MYO18B: variants seen among roughly 807,000 people sequenced by gnomAD.
MYO18B encodes myosin XVIIIB.
MYO18B carries 204 observed loss-of-function variants against 273.0 expected under a neutral mutation model. The observed-to-expected ratio is 0.75, with a 90% confidence interval of 0.67 to 0.84. MYO18B has a LOEUF of 0.84. MYO18B is among the 40% of genes least tolerant of loss of function. The pLI is 0.00. For missense variants in MYO18B, 3,212 were observed against 3,287.6 expected (o/e 0.98, Z 0.56); for synonymous variants, 1,330 against 1,305.7 (o/e 1.02, Z -0.40).
In MYO18B at chr22:25,903,716, T is replaced by C. The variant is rs1387684043; in HGVS notation, c.5033T>C (p.Leu1678Pro). ...CGGGAGCTGCTGGGGTCACCCTCTCTGGGGGAAAATTGCGTTGCTGGCTTG... is the reference window on the plus strand; with the variant it reads ...CGGGAGCTGCTGGGGTCACCCTCTCCGGGGGAAAATTGCGTTGCTGGCTTG... ...HKRELLGSPS[L>P]GENCVAGLKE... Residue 1678 changes from leucine to proline, a missense_variant, in exon 31 of 44, where the codon CTG becomes CCG. Coordinates refer to ENST00000335473, the MANE Select transcript of MYO18B (RefSeq NM_032608.7). 6.2e-7 allele frequency: 1 copy of C among 1,608,492 alleles called. No homozygotes were observed. The highest frequency in any genetic ancestry group is 1.7e-5 in the Admixed American group (1 of 59,366).
At chr22:25,764,901 G>A (rs539174581) in intron 3 of MYO18B, among the ~76,000 whole-genome samples, 1 of 152,230 alleles carries the variant, frequency 6.6e-6, no homozygotes, top group South Asian at 2.1e-4. Context: ...GAGGTCAAGT[G>A]ATTTTCCCAA....
chr22:25,857,349 G>A (rs988022213), intron 21 of MYO18B, among the ~76,000 whole-genome samples: 4 of 152,134 alleles, frequency 2.6e-5, no homozygotes, highest in African/African-American at 7.2e-5. Context: ...GATTTTAGCC[G>A]GCAAAATCTC....
At chr22:25,967,310 T>C (rs2092990018) in intron 39 of MYO18B, among the ~76,000 whole-genome samples, 1 of 152,208 alleles carries the variant, frequency 6.6e-6, no homozygotes, top group Non-Finnish European at 1.5e-5. Context: ...TATGCTTCAC[T>C]TAATTGTATG....
intron 39 of MYO18B, among the ~76,000 whole-genome samples, chr22:25,979,211 T>C (rs2093124628): frequency 6.6e-6 from 1 of 152,206 alleles, no homozygotes; most frequent in Admixed American, 6.5e-5. Flanking sequence ...AAATATGAGC[T>C]GCATTTCCAT....
chr22:25,849,404 T>C (rs1345367142), intron 20 of MYO18B, among the ~76,000 whole-genome samples: 2 of 152,162 alleles, frequency 1.3e-5, no homozygotes, highest in Non-Finnish European at 2.9e-5. Context: ...TCTTTCACAC[T>C]CACATGAGAT....
chr22:25,769,611 G>A (rs1355637417), intron 4 of MYO18B, among the ~76,000 whole-genome samples, 183 bp downstream of exon 4: 2 of 152,176 alleles, frequency 1.3e-5, no homozygotes, highest in East Asian at 3.9e-4. Flanking sequence ...TCCATGAGCA[G>A]AAGTCTTGAA....
At chr22:25,873,155 A>C (rs2091094700) in intron 22 of MYO18B, among the ~76,000 whole-genome samples, 1 of 152,190 alleles carries the variant, frequency 6.6e-6, no homozygotes, top group African/African-American at 2.4e-5. Context: ...TCTTTTGCTG[A>C]CAGTCAGTCC....
intron 43 of MYO18B, among the ~76,000 whole-genome samples, chr22:26,029,284 C>A (rs56342861): frequency 0.065 from 9,867 of 152,220 alleles, 391 homozygotes; most frequent in Middle Eastern, 0.15. Context: ...CACCTGCTGC[C>A]ACCCCCAGGC....
intron 14 of MYO18B, among the ~76,000 whole-genome samples, chr22:25,828,022 A>G (rs2089557798): frequency 6.6e-6 from 1 of 152,240 alleles, no homozygotes; most frequent in Non-Finnish European, 1.5e-5. Flanking sequence ...CCAAGGTTCA[A>G]CTAAGGGCCT....
At chr22:25,945,722 C>CCCTCCCCTCG (rs2092697805) in intron 34 of MYO18B, among the ~76,000 whole-genome samples, 1 of 60,392 alleles carries the variant, frequency 1.7e-5, no homozygotes, top group Non-Finnish European at 3.2e-5. Context: ...GCCTCCCCTC[C>CCCTCCCCTCG]CCTCCCCTCG....
At chr22:25,989,063 A>C (rs1420865187) in intron 39 of MYO18B, among the ~76,000 whole-genome samples, 1 of 151,548 alleles carries the variant, frequency 6.6e-6, no homozygotes, top group Non-Finnish European at 1.5e-5. Context: ...TCTCTCCTCT[A>C]CCCTCCAGGA....
At chr22:25,785,563 C>A in intron 11 of MYO18B, 72 bp downstream of exon 11, 2 of 1,488,354 alleles carry the variant, frequency 1.3e-6, no homozygotes, top group Non-Finnish European at 1.8e-6. Context: ...GATGAGTCGC[C>A]GTGCAACTTG....
chr22:25,950,391 C>T lies in MYO18B; in HGVS notation c.5773C>T (p.Gln1925Ter), dbSNP rs761035085. 2 of 1,606,226 alleles carry T rather than the reference C, an allele frequency of 1.2e-6. No homozygotes were observed. Among genetic ancestry groups the T allele is most frequent in the Non-Finnish European group, 1.7e-6 (2 of 1,176,356 alleles). Residue 1925 changes from glutamine (Q) to a stop codon, truncating the protein, a stop_gained, in exon 37 of 44, where the codon CAA becomes TAA. Coordinates refer to ENST00000335473, the MANE Select transcript of MYO18B (RefSeq NM_032608.7). LOFTEE classifies it high-confidence loss of function. ...GTCTGCTGCTGACATTGGGCAGATC[C>T]AAGAACTGCAGCTGCAGCTGGAGGA... ...AQSAADIGQI[Q>*]ELQLQLEEAK...
At chr22:25,768,051 G>A in intron 3 of MYO18B, 64 bp from the exon 4 acceptor site, 1 of 1,362,166 alleles carries the variant, frequency 7.3e-7, no homozygotes, top group Non-Finnish European at 1.0e-6. Flanking sequence ...ACGAACACGA[G>A]TGAATGACAA....
At chr22:25,873,917 A>G (rs998852548) in intron 22 of MYO18B, among the ~76,000 whole-genome samples, 2 of 152,324 alleles carry the variant, frequency 1.3e-5, no homozygotes, top group East Asian at 3.9e-4. Context: ...AGGCAAGTCC[A>G]TGCTAGCTGT....
At chr22:25,802,824 A>G (rs1022826097) in intron 12 of MYO18B, among the ~76,000 whole-genome samples, 1 of 151,614 alleles carries the variant, frequency 6.6e-6, no homozygotes, top group Non-Finnish European at 1.5e-5. Context: ...TCCCTAAGCA[A>G]TGCTTTCCCC....
intron 11 of MYO18B, among the ~76,000 whole-genome samples, chr22:25,794,996 C>G (rs1005814926): frequency 4.6e-5 from 7 of 152,244 alleles, no homozygotes; most frequent in Non-Finnish European, 1.0e-4. Context: ...TTTGCATAAA[C>G]AGAAGCACAT....
At chr22:25,972,020 A>G (rs1452003906) in intron 39 of MYO18B, among the ~76,000 whole-genome samples, 1 of 151,970 alleles carries the variant, frequency 6.6e-6, no homozygotes, top group Non-Finnish European at 1.5e-5. Context: ...TCATGACCTC[A>G]GGTGATCCAC....
At chr22:25,945,757 CCCTCG>C (rs1443575200) in intron 34 of MYO18B, among the ~76,000 whole-genome samples, 1 of 15,706 alleles carries the variant, frequency 6.4e-5, no homozygotes, top group Non-Finnish European at 1.1e-4. Flanking sequence ...CCCTCCCCTC[CCCTCG>C]CCTCCCCTCC....
Sources: gnomAD v4.1 joint callset for allele counts (sites outside exome capture counted in the v4.1 genomes callset) on GRCh38, gnomAD v4.1.1 for gene constraint, MANE v1.5 for transcripts, NCBI Gene and HGNC (gene_info 2026-07-23, HGNC 2026-07-21) for gene names.